The following EPHA6 variants were observed in gnomAD, a reference collection of about 807,000 sequenced individuals.
The protein encoded by EPHA6 is ephrin type-A receptor 6.
In EPHA6, 50 loss-of-function variants were observed where a neutral mutation model predicts 112.0. The observed-to-expected ratio is 0.45, with a 90% confidence interval of 0.36 to 0.56. The LOEUF (loss-of-function observed/expected upper bound fraction) is 0.56, where lower values mean the gene tolerates loss of function less well. Ranked by LOEUF, EPHA6 falls within the 20% of genes least tolerant of loss-of-function variation. The pLI, the probability that EPHA6 is intolerant of heterozygous loss-of-function variation, is 0.00. For missense variants in EPHA6, 1,280 were observed against 1,417.4 expected, an observed-to-expected ratio of 0.90 and a Z score of 1.56; for synonymous variants, 529 against 490.7, an observed-to-expected ratio of 1.08 and a Z score of -1.03.
intron 2 of EPHA6, among the ~76,000 whole-genome samples, chr3:96,976,207 A>G (rs1487692973): frequency 1.3e-5 from 2 of 152,146 alleles, no homozygotes. Flanking sequence ...AAGTGTATGC[A>G]TATAGCTTAG....
At chr3:97,104,174 C>T (rs900873936) in intron 3 of EPHA6, among the ~76,000 whole-genome samples, 1 of 152,096 alleles carries the variant, frequency 6.6e-6, no homozygotes, top group Non-Finnish European at 1.5e-5. Context: ...CCAGGACTTA[C>T]AATACTGTGT....
intron 10 of EPHA6, among the ~76,000 whole-genome samples, chr3:97,499,136 T>C (rs2092055526): frequency 6.6e-6 from 1 of 152,184 alleles, no homozygotes; most frequent in Admixed American, 6.5e-5. Context: ...TGCCATGCCT[T>C]CTCTTTACTC....
At chr3:96,865,251 A>G (rs1401332829) in intron 1 of EPHA6, among the ~76,000 whole-genome samples, 2 of 152,144 alleles carry the variant, frequency 1.3e-5, no homozygotes, top group African/African-American at 2.4e-5. Context: ...ATTTAAGGAT[A>G]CTTTCATATC....
At chr3:96,817,519 C>A (rs2107198217) in intron 1 of EPHA6, among the ~76,000 whole-genome samples, 1 of 151,622 alleles carries the variant, frequency 6.6e-6, no homozygotes, top group African/African-American at 2.4e-5. Context: ...TAATATAATT[C>A]ATATTTAGTA....
chr3:96,994,288 CTTTTAAT>C (rs771787082), intron 3 of EPHA6: 7 of 327,676 alleles, frequency 2.1e-5, no homozygotes, highest in Non-Finnish European at 1.9e-5. Context: ...TATTTCATAA[CTTTTAAT>C]TTTATTTCAT....
At chr3:97,216,755 T>G (rs1559804590) in intron 3 of EPHA6, among the ~76,000 whole-genome samples, 1 of 152,208 alleles carries the variant, frequency 6.6e-6, no homozygotes, top group Non-Finnish European at 1.5e-5. Context: ...TGTGTGTTTA[T>G]TTCATCTAAG....
chr3:97,443,021 A>C (rs745492411), intron 6 of EPHA6, among the ~76,000 whole-genome samples: 24 of 152,122 alleles, frequency 1.6e-4, no homozygotes, highest in Non-Finnish European at 4.4e-5. Flanking sequence ...TAGGCCCTGC[A>C]ATTCTTGATT....
chr3:97,113,673 C>G (rs1404227675), intron 3 of EPHA6, among the ~76,000 whole-genome samples: 1 of 152,044 alleles, frequency 6.6e-6, no homozygotes, highest in Admixed American at 6.6e-5. Flanking sequence ...TGCCTTTTTC[C>G]TTTTTTCATC....
Position 96,814,956 on chromosome 3 carries a change from G to T in EPHA6, c.333G>T (p.Leu111Phe). The T allele has an allele frequency of 6.5e-7, 1 of 1,548,974 alleles. No homozygotes were observed. The highest frequency in any genetic ancestry group is 8.7e-7 in the Non-Finnish European group (1 of 1,145,102). The change falls in exon 1 of 18, where the codon TTG (leucine) becomes TTT (phenylalanine). Residue 111 changes from leucine to phenylalanine, a missense_variant. Physicochemically the swap from Leu to Phe is conservative, Grantham distance 22 (BLOSUM62 0). Transcript: ENST00000389672. ...REFLLQFGFF[L>F]PLLTAWPGDC... ...TTCTTTTGCAATTTGGTTTCTTCTT[G>T]CCTCTGCTGACAGCGTGGCCAGGCG...
At chr3:97,216,558 C>G (rs2078040770) in intron 3 of EPHA6, among the ~76,000 whole-genome samples, 1 of 152,190 alleles carries the variant, frequency 6.6e-6, no homozygotes, top group African/African-American at 2.4e-5. Flanking sequence ...GGATAGGCCC[C>G]TTTCATCTCA....
At chr3:97,702,147 A>G (rs909124171) in intron 14 of EPHA6, among the ~76,000 whole-genome samples, 1 of 152,216 alleles carries the variant, frequency 6.6e-6, no homozygotes, top group African/African-American at 2.4e-5. Context: ...AAATTTTAGC[A>G]TTCAGAAATA....
intron 14 of EPHA6, among the ~76,000 whole-genome samples, chr3:97,660,095 G>A (rs1047696116): frequency 1.1e-4 from 16 of 152,120 alleles, no homozygotes; most frequent in African/African-American, 3.6e-4. Flanking sequence ...ATATTCTTAT[G>A]TGCATTTTTT....
intron 3 of EPHA6, among the ~76,000 whole-genome samples, chr3:97,115,088 G>C (rs1036602676): frequency 3.3e-5 from 5 of 151,890 alleles, no homozygotes; most frequent in African/African-American, 1.2e-4. Flanking sequence ...ACTGTGATAG[G>C]ACAAAAATGT....
chr3:96,918,442 C>G (rs759185067), intron 2 of EPHA6, among the ~76,000 whole-genome samples: 5 of 151,934 alleles, frequency 3.3e-5, no homozygotes, highest in Admixed American at 6.6e-5. Flanking sequence ...AAAGGCATTA[C>G]GTATTGGATA....
intron 10 of EPHA6, among the ~76,000 whole-genome samples, chr3:97,489,533 A>C (rs2107516780): frequency 6.6e-6 from 1 of 152,140 alleles, no homozygotes; most frequent in Admixed American, 6.5e-5. Context: ...AAAAACACAA[A>C]AAATTAGCAG....
At chr3:97,610,428 G>A (rs1175462553) in intron 12 of EPHA6, among the ~76,000 whole-genome samples, 7 of 151,652 alleles carry the variant, frequency 4.6e-5, no homozygotes, top group Non-Finnish European at 1.0e-4. Flanking sequence ...AACTGCAAAA[G>A]CAGCTATAAT....
At chr3:97,218,247 G>A (rs1301156779) in intron 3 of EPHA6, among the ~76,000 whole-genome samples, 1 of 151,808 alleles carries the variant, frequency 6.6e-6, no homozygotes, top group East Asian at 1.9e-4. Context: ...CTCTAGCCTG[G>A]ATGAAAGAGT....
At chr3:97,374,992 A>G (rs1249589270) in intron 5 of EPHA6, among the ~76,000 whole-genome samples, 2 of 152,140 alleles carry the variant, frequency 1.3e-5, no homozygotes, top group African/African-American at 4.8e-5. Flanking sequence ...AAAACCTACT[A>G]TGTGTCCAGC....
intron 3 of EPHA6, among the ~76,000 whole-genome samples, chr3:97,066,024 T>C (rs569921318): frequency 6.6e-6 from 1 of 152,228 alleles, no homozygotes; most frequent in East Asian, 1.9e-4. Flanking sequence ...ATATTAATAA[T>C]ACCTTCATGT....
Sources: gnomAD v4.1 joint callset for allele counts (sites outside exome capture counted in the v4.1 genomes callset) on GRCh38, gnomAD v4.1.1 for gene constraint, MANE v1.5 for transcripts, NCBI Gene and HGNC (gene_info 2026-07-23, HGNC 2026-07-21) for gene names.